The following WDR31 variants were observed in gnomAD, a reference collection of about 807,000 sequenced individuals.
WDR31 encodes the protein WD repeat domain 31.
A neutral mutation model predicts 47.3 loss-of-function variants in WDR31; 30 were observed. That is an observed-to-expected ratio of 0.63 (90% CI 0.47 to 0.86). The LOEUF is 0.86. Among genes scored for constraint, WDR31 ranks in the 40% least tolerant of loss-of-function variants. The probability of loss-of-function intolerance (pLI) is 0.00; values close to 1 mark genes in which losing one functional copy is unlikely to be tolerated. For missense variants in WDR31, 406 were observed against 442.9 expected (o/e 0.92, Z 0.75); for synonymous variants, 137 against 159.4 (o/e 0.86, Z 1.06).
chr9:113,329,367 G>T (rs1406226766), intron 4 of WDR31, among the ~76,000 whole-genome samples: 1 of 151,778 alleles, frequency 6.6e-6, no homozygotes, highest in East Asian at 1.9e-4. Context: ...CAAGCTGGGC[G>T]CAGTGGCTCA....
intron 5 of WDR31, 66 bp downstream of exon 5, chr9:113,328,815 T>C (rs1833531468): frequency 7.4e-7 from 1 of 1,346,254 alleles, no homozygotes; most frequent in Non-Finnish European, 1.1e-6. Context: ...ACTCTTAATA[T>C]CTAGAACTAT....
At position 113,331,112 on chromosome 9, in the gene WDR31, G is replaced by A; in HGVS notation, c.121C>T (p.Pro41Ser). 1 of 1,382,358 alleles carries A rather than the reference G, an allele frequency of 7.2e-7. No homozygotes were observed. Among genetic ancestry groups the A allele is most frequent in the South Asian group, 1.2e-5 (1 of 84,652 alleles). The allele number at this position is 1,382,358 out of a possible 1,614,324, so 85.6% of individuals were successfully genotyped here. Residue 41 changes from proline (P) to serine (S), a missense_variant, in exon 4 of 11, where the codon CCT becomes TCT. Pro to Ser is a moderately conservative substitution (Grantham distance 74). Coordinates refer to ENST00000374193, the MANE Select transcript of WDR31 (RefSeq NM_001012361.4). ...ATTCTCTCTTCTATAATTTCATCAG[G>A]CCTGCTAAAAAGAGTATAGAAAATG... ...LKHSTYKYGR[P>S]DEIIEERIQT...
intron 8 of WDR31, 136 bp downstream of exon 8, chr9:113,321,375 C>T: frequency 1.2e-6 from 1 of 817,128 alleles, no homozygotes; most frequent in South Asian, 1.7e-5. Context: ...GGCCCCAGCA[C>T]CAGTGAAGGG....
At chr9:113,336,655 G>T (rs1543535) in intron 1 of WDR31, among the ~76,000 whole-genome samples, 23,820 of 151,994 alleles carry the variant, frequency 0.16, 2,392 homozygotes, top group African/African-American at 0.29. Flanking sequence ...TTTTGATTTT[G>T]CTCATAACAT....
intron 2 of WDR31, among the ~76,000 whole-genome samples, chr9:113,333,392 T>G (rs1239916208): frequency 1.7e-5 from 2 of 114,548 alleles, no homozygotes; most frequent in Non-Finnish European, 3.9e-5. Flanking sequence ...TTTTTTTTTT[T>G]GAGACGGAGT....
At position 113,324,816 on chromosome 9, in the gene WDR31, CTATA is replaced by C. The variant is rs1177166750; in HGVS notation, c.325-1665_325-1662del. 2.3e-3 allele frequency among the ~76,000 whole-genome samples: 289 copies of C among 128,402 alleles called. 1 individual carries two copies. Among genetic ancestry groups the C allele is most frequent in the Middle Eastern group, 8.3e-3 (2 of 240 alleles). 84.2% of individuals were successfully genotyped at this position (128,402 alleles called of 152,430 possible). A position where few individuals can be genotyped will look rare whatever the true frequency, so the allele number is the denominator to read the frequency against. On this transcript the variant is annotated intron_variant, in intron 5 of 10. Coordinates refer to ENST00000374193, the MANE Select transcript of WDR31 (RefSeq NM_001012361.4). ...CTTTTGGCTATTATAAACAATGCTG[CTATA>C]TATATATATGTGTGTGTGTGTGTGT...
chr9:113,331,076 C>T lies in WDR31; in HGVS notation c.157G>A (p.Ala53Thr), dbSNP rs896689105. 16 of 1,454,918 alleles carry T rather than the reference C, an allele frequency of 1.1e-5. No individual in the cohort carries two copies. Among genetic ancestry groups the T allele is most frequent in the South Asian group, 2.3e-5 (2 of 88,120 alleles). 90.1% of individuals were successfully genotyped at this position (1,454,918 alleles called of 1,614,324 possible). ...TGAGCTGGGCTATACTCTTGAAAAG[C>T]TTTAGTTTGAATTCTCTCTTCTATA... is the stretch of plus-strand genomic sequence containing the variant. ...EIIEERIQTK[A>T]FQEYSPAHMD... The change falls in exon 4 of 11, where the codon GCT becomes ACT. Residue 53 changes from alanine (A) to threonine (T), a missense_variant. By Grantham distance (58) the Ala-to-Thr change is moderately conservative. Coordinates refer to ENST00000374193, the MANE Select transcript of WDR31 (RefSeq NM_001012361.4).
rs183964776 is a variant in WDR31 at position 113,316,914 on chromosome 9, G to C, written c.944-5C>G. ...GAGACAAGGTGAAAAGGCAGGCTGG[G>C]GGGGAAAGGGGGACCAGCAGATTAG... On this transcript the variant is annotated splice_polypyrimidine_tract_variant and splice_region_variant and intron_variant, in intron 10 of 10. Coordinates refer to ENST00000374193, the MANE Select transcript of WDR31 (RefSeq NM_001012361.4). 123 of 1,612,864 alleles carry C rather than the reference G, an allele frequency of 7.6e-5. No homozygotes were observed. The highest frequency in any genetic ancestry group is 5.1e-4 in the South Asian group (46 of 90,930).
At chr9:113,328,399 T>C (rs1459627409) in intron 5 of WDR31, among the ~76,000 whole-genome samples, 2 of 152,258 alleles carry the variant, frequency 1.3e-5, no homozygotes, top group African/African-American at 2.4e-5. Flanking sequence ...CGGGGAATTA[T>C]ATAAATTGGC....
chr9:113,322,369 A>G (rs894013613), intron 7 of WDR31, among the ~76,000 whole-genome samples: 4 of 152,148 alleles, frequency 2.6e-5, no homozygotes, highest in Admixed American at 2.0e-4. Context: ...GCTACTAGAA[A>G]ACAACTGGTC....
intron 9 of WDR31, among the ~76,000 whole-genome samples, chr9:113,319,011 C>G (rs936151421): frequency 2.6e-5 from 4 of 152,214 alleles, no homozygotes; most frequent in Non-Finnish European, 2.9e-5. Context: ...CATGGCAACT[C>G]AAGAGCTGCC....
chr9:113,320,048 T>C (rs1833290697), intron 9 of WDR31, among the ~76,000 whole-genome samples: 1 of 152,204 alleles, frequency 6.6e-6, no homozygotes, highest in Non-Finnish European at 1.5e-5. Flanking sequence ...AGCCTCTGAA[T>C]AGCTTGGACT....
chr9:113,322,995 G>A lies in WDR31; in HGVS notation c.469+16C>T, dbSNP rs1186211251. 6 of 1,613,746 alleles carry A rather than the reference G, an allele frequency of 3.7e-6. No individual in the cohort carries two copies. The highest frequency in any genetic ancestry group is 4.2e-6 in the Non-Finnish European group (5 of 1,179,890). On this transcript the variant is annotated intron_variant, in intron 6 of 10. Transcript: ENST00000374193. ...GAAAGCACAAAGGCATTGGGAAGAG[G>A]TCCGCTTTGTTTTACCTGGACTCAC...
chr9:113,326,206 C>T (rs1192512097), intron 5 of WDR31, among the ~76,000 whole-genome samples: 3 of 152,182 alleles, frequency 2.0e-5, no homozygotes, highest in East Asian at 1.9e-4. Flanking sequence ...CCACCGCACC[C>T]GGCCCATTCA....
intron 4 of WDR31, among the ~76,000 whole-genome samples, 160 bp downstream of exon 4, chr9:113,330,824 G>A (rs1262133091): frequency 6.6e-6 from 1 of 152,200 alleles, no homozygotes; most frequent in Non-Finnish European, 1.5e-5. Flanking sequence ...CGAATGGGAA[G>A]TGGCCAAGCA....
chr9:113,324,845 TG>T (rs1833423211), intron 5 of WDR31, among the ~76,000 whole-genome samples: 1 of 116,510 alleles, frequency 8.6e-6, no homozygotes, highest in African/African-American at 3.1e-5. Context: ...TGTGTGTGTG[TG>T]TGTGTGTGTG....
At position 113,328,996 on chromosome 9, in the gene WDR31, G is replaced by A. The variant is rs545007867; in HGVS notation, c.250-41C>T. The stretch of plus-strand genomic sequence containing the variant: ...ATTGTAGTTTCATTACTCAATTCTT[G>A]TTAAAGTGACACTAGCCTCTACTGC... On this transcript the variant is annotated intron_variant, in intron 4 of 10. Transcript: ENST00000374193. 2.7e-5 allele frequency: 42 copies of A among 1,553,922 alleles called. No individual in the cohort carries two copies. The South Asian group carries it at 4.5e-4, about 16-fold the overall frequency.
rs551935549 is a variant in WDR31, at chr9:113,316,655, T to TACATCCC, written c.*87_*93dup. ...GAACCTAAGCAAAGAATACCAGCCC[T>TACATCCC]ACATCCCACTCCCCTCAAGATAACT... On this transcript the variant is annotated 3_prime_UTR_variant, in exon 11 of 11. Coordinates refer to ENST00000374193, the MANE Select transcript of WDR31 (RefSeq NM_001012361.4). The TACATCCC allele has an allele frequency of 5.4e-5, 78 of 1,452,374 alleles. No homozygotes were observed. In the East Asian group the frequency reaches 1.6e-3, roughly 29 times the overall value. 90.0% of individuals were successfully genotyped at this position (1,452,374 alleles called of 1,614,324 possible). A position where few individuals can be genotyped will look rare whatever the true frequency, so the allele number is the denominator to read the frequency against.
rs147569156 is a variant in WDR31 at position 113,335,578 on chromosome 9, C to T, written c.-29+710G>A. On this transcript the variant is annotated intron_variant, in intron 2 of 10. Coordinates refer to ENST00000374193, the MANE Select transcript of WDR31 (RefSeq NM_001012361.4). ...AACGCACCAACTTAATATTCTCATT[C>T]ATACCATTAGCATTAAAAAAATGGA... is the stretch of plus-strand genomic sequence containing the variant. Among the ~76,000 whole-genome samples the T allele has an allele frequency of 5.4e-3, 816 of 152,334 alleles. 7 individuals carry two copies. The highest frequency in any genetic ancestry group is 0.019 in the African/African-American group (775 of 41,576).
Sources: allele counts gnomAD v4.1 joint callset (sites outside exome capture counted in the v4.1 genomes callset), GRCh38; gene constraint gnomAD v4.1.1; transcripts MANE v1.5; gene names NCBI Gene and HGNC (gene_info 2026-07-23, HGNC 2026-07-21).